Variants in RPS27A observed in about 807,000 individuals in gnomAD.
RPS27A encodes the protein ribosomal protein S27a, also known as ubiquitin-ribosomal protein eS31 fusion protein.
A neutral mutation model predicts 18.9 loss-of-function variants in RPS27A; 1 was observed. The ratio of observed to expected loss-of-function variants is 0.05; its 90% CI spans 0.02 to 0.25. The LOEUF is 0.25. Ranked by LOEUF, RPS27A falls within the 10% of genes least tolerant of loss-of-function variation. The probability of loss-of-function intolerance (pLI) is 1.00; values close to 1 mark genes in which losing one functional copy is unlikely to be tolerated. For synonymous variants in RPS27A, 77 were observed against 63.7 expected, an observed-to-expected ratio of 1.21 and a Z score of -0.99; for missense variants, 123 against 187.4, an observed-to-expected ratio of 0.66 and a Z score of 2.01.
In RPS27A at chr2:55,234,863, T is replaced by C; in HGVS notation, c.222T>C (p.Arg74=). The C allele has an allele frequency of 1.2e-6, 2 of 1,612,722 alleles. No individual in the cohort carries two copies. Among genetic ancestry groups the C allele is most frequent in the Non-Finnish European group, 8.5e-7 (1 of 1,179,960 alleles). Residue 74 remains arginine (R), a synonymous_variant, in exon 5 of 6, where the codon CGT becomes CGC. Coordinates refer to ENST00000272317, the MANE Select transcript of RPS27A (RefSeq NM_002954.6). ...CTCTTCATCTTGTGTTGAGACTTCG[T>C]GGTGGTGCTAAGAAAAGGAAGAAGA... is the stretch of plus-strand genomic sequence containing the variant. ...ESTLHLVLRL[R]GGAKKRKKKS...
intron 4 of RPS27A, chr2:55,234,434 A>T (rs2576723): frequency 0.96 from 560,619 of 584,986 alleles, 268,870 homozygotes; most frequent in African/African-American, 0.99. Flanking sequence ...ACTCCTGGGC[A>T]TAAGTGATCT....
chr2:55,234,980 C>G lies in RPS27A; in HGVS notation c.321+18C>G. On this transcript the variant is annotated intron_variant, in intron 5 of 5. Coordinates refer to ENST00000272317, the MANE Select transcript of RPS27A (RefSeq NM_002954.6). Reference sequence around the variant, plus strand: ...ATTATAAGGTGAGCCAGTTAAAGGGCAGAATGTCAGCAAAGTCTTGGCTTA... The same window carrying G: ...ATTATAAGGTGAGCCAGTTAAAGGGGAGAATGTCAGCAAAGTCTTGGCTTA... 6.2e-7 allele frequency: 1 copy of G among 1,611,892 alleles called. No individual in the cohort carries two copies. The highest frequency in any genetic ancestry group is 8.5e-7 in the Non-Finnish European group (1 of 1,179,304).
rs1389492618 is a variant in RPS27A, at chr2:55,234,887, G to A, written c.246G>A (p.Lys82=). The change falls in exon 5 of 6, where the codon AAG becomes AAA. Residue 82 remains lysine, a synonymous_variant. Coordinates refer to ENST00000272317, the MANE Select transcript of RPS27A (RefSeq NM_002954.6). ...GTGGTGGTGCTAAGAAAAGGAAGAA[G>A]AAGTCTTACACCACTCCCAAGAAGA... ...RLRGGAKKRK[K]KSYTTPKKNK... 3 of 1,612,838 alleles carry A rather than the reference G, an allele frequency of 1.9e-6. No individual in the cohort carries two copies. Among genetic ancestry groups the A allele is most frequent in the Non-Finnish European group, 2.5e-6 (3 of 1,179,836 alleles).
intron 2 of RPS27A, chr2:55,233,124 C>T (rs1675572875): frequency 1.6e-6 from 1 of 636,518 alleles, no homozygotes; most frequent in Non-Finnish European, 2.8e-6. Context: ...GGGAAGGAGA[C>T]GCTCTGCCCG....
At chr2:55,232,941 G>A (rs1675554788) in intron 2 of RPS27A, 69 bp downstream of exon 2, 1 of 1,262,088 alleles carries the variant, frequency 7.9e-7, no homozygotes, top group Non-Finnish European at 1.1e-6. Flanking sequence ...TAGGACCGGC[G>A]CTGCTTTCCA....
chr2:55,233,303 A>G (rs1675590176), intron 2 of RPS27A, 60 bp from the exon 3 acceptor site: 7 of 1,379,534 alleles, frequency 5.1e-6, no homozygotes, highest in Non-Finnish European at 7.2e-6. Flanking sequence ...GTCAAACTAA[A>G]TGAGTTCTGC....
At position 55,232,798 on chromosome 2, in the gene RPS27A, T is replaced by G; in HGVS notation, c.-17-10T>G. 1.2e-6 allele frequency: 2 copies of G among 1,607,528 alleles called. No homozygotes were observed. Among genetic ancestry groups the G allele is most frequent in the Non-Finnish European group, 1.7e-6 (2 of 1,176,402 alleles). On this transcript the variant is annotated splice_polypyrimidine_tract_variant and intron_variant, in intron 1 of 5. Transcript: ENST00000272317. ...GACCTAACCTGTCTCTTCCTTTTCC[T>G]CAACCTCAGGTGGAGCCGCCACCAA...
At chr2:55,233,009 C>T (rs1024012782) in intron 2 of RPS27A, 137 bp downstream of exon 2, 7 of 791,642 alleles carry the variant, frequency 8.8e-6, no homozygotes, top group African/African-American at 8.6e-5. Context: ...AAATGAGTAC[C>T]TTTTGCTGAG....
At chr2:55,232,577 C>A, upstream of RPS27A, 2 of 580,414 alleles carry the variant, frequency 3.4e-6, no homozygotes, top group East Asian at 5.9e-5. Flanking sequence ...TAGTCTGGCA[C>A]CGGGTTGGAT....
chr2:55,235,174 T>G lies in RPS27A; in HGVS notation c.321+212T>G, dbSNP rs1675726141. The G allele has an allele frequency of 5.6e-6, 4 of 710,824 alleles. No individual in the cohort carries two copies. In the East Asian group the frequency reaches 1.1e-4, roughly 19 times the overall value. The allele number at this position is 710,824 out of a possible 1,614,324, so 44.0% of individuals were successfully genotyped here. A position where few individuals can be genotyped will look rare whatever the true frequency, so the allele number is the denominator to read the frequency against. On this transcript the variant is annotated intron_variant, in intron 5 of 5. Coordinates refer to ENST00000272317, the MANE Select transcript of RPS27A (RefSeq NM_002954.6). The stretch of plus-strand genomic sequence containing the variant: ...CAGTTATGTAATAGGGTTCTGAGTT[T>G]AAAGTCGGGTTTGGGTTCAGGTCTT...
At position 55,234,412 on chromosome 2, in the gene RPS27A, G is replaced by A. The variant is rs1159068687; in HGVS notation, c.189+208G>A. ...CTATAGGCACCCGCCACCATGCCCA[G>A]GCTGGTCTCAAACTCCTGGGCATAA... On this transcript the variant is annotated intron_variant, in intron 4 of 5. Transcript: ENST00000272317. 2.0e-5 allele frequency: 12 copies of A among 600,156 alleles called. No homozygotes were observed. The East Asian group carries it at 3.4e-4, about 17-fold the overall frequency. 37.2% of individuals were successfully genotyped at this position (600,156 alleles called of 1,614,324 possible).
upstream of RPS27A, chr2:55,232,334 G>GA (rs1573823491): frequency 4.2e-6 from 1 of 240,628 alleles, no homozygotes; most frequent in African/African-American, 2.2e-5. Context: ...GTCCAAGGTA[G>GA]AAGAAAGCAG....
Position 55,234,934 on chromosome 2 carries a change from T to C in RPS27A, c.293T>C (p.Val98Ala). 2 of 1,613,268 alleles carry C rather than the reference T, an allele frequency of 1.2e-6. No homozygotes were observed. Among genetic ancestry groups the C allele is most frequent in the South Asian group, 1.1e-5 (1 of 91,046 alleles). ...PKKNKHKRKK[V>A]KLAVLKYYKV... ...AAGAATAAGCACAAGAGAAAGAAGG[T>C]TAAGCTGGCTGTCCTGAAATATTAT... Residue 98 changes from valine to alanine, a missense_variant, in exon 5 of 6, where the codon GTT becomes GCT. By Grantham distance (64) the Val-to-Ala change is moderately conservative. Transcript: ENST00000272317.
In RPS27A at chr2:55,233,834, T is replaced by C. The variant is rs537677467; in HGVS notation, c.104-285T>C. 24 of 518,752 alleles carry C rather than the reference T, an allele frequency of 4.6e-5. 1 individual carries two copies. The South Asian group carries it at 5.1e-4, about 11-fold the overall frequency. The allele number at this position is 518,752 out of a possible 1,614,324, so 32.1% of individuals were successfully genotyped here. ...TAGTAGAGACTGGGTTTTACCTTGT[T>C]GGCCAGGCTGGTTTTGAACTTTTCA... is the stretch of plus-strand genomic sequence containing the variant. On this transcript the variant is annotated intron_variant, in intron 3 of 5. Coordinates refer to ENST00000272317, the MANE Select transcript of RPS27A (RefSeq NM_002954.6).
Position 55,234,687 on chromosome 2 carries a change from T to A in RPS27A, c.190-144T>A, listed in dbSNP as rs2576722. The A allele has an allele frequency of 0.82, 721,794 of 878,656 alleles. 297,646 individuals are homozygous for A. The highest frequency in any genetic ancestry group is 0.84 in the African/African-American group (50,393 of 59,968). 54.4% of individuals were successfully genotyped at this position (878,656 alleles called of 1,614,324 possible). A position where few individuals can be genotyped will look rare whatever the true frequency, so the allele number is the denominator to read the frequency against. On this transcript the variant is annotated intron_variant, in intron 4 of 5. Coordinates refer to ENST00000272317, the MANE Select transcript of RPS27A (RefSeq NM_002954.6). The stretch of plus-strand genomic sequence containing the variant: ...CCCTATAAACTGTCAGTTAAGAATC[T>A]GATACTTTATTGGGTTTGGGGGCTG...
intron 2 of RPS27A, 170 bp from the exon 3 acceptor site, chr2:55,233,193 G>C (rs566617034): frequency 5.7e-6 from 4 of 705,712 alleles, no homozygotes; most frequent in African/African-American, 1.8e-5. Context: ...GGGAGATGAA[G>C]GTGCTTTCCG....
chr2:55,235,156 G>GT, intron 5 of RPS27A, 194 bp downstream of exon 5: 1 of 732,508 alleles, frequency 1.4e-6, no homozygotes, highest in Non-Finnish European at 2.2e-6. Context: ...AATCAGTTAT[G>GT]TAATAGGGTT....
intron 3 of RPS27A, chr2:55,233,886 T>C: frequency 1.7e-6 from 1 of 585,332 alleles, no homozygotes; most frequent in Non-Finnish European, 3.1e-6. Context: ...CACCTCGACC[T>C]CCCAAAGTAT....
intron 4 of RPS27A, 87 bp from the exon 5 acceptor site, chr2:55,234,744 T>A: frequency 6.8e-7 from 1 of 1,469,088 alleles, no homozygotes; most frequent in Non-Finnish European, 9.5e-7. Flanking sequence ...TGTGTGCTGC[T>A]ACTGCTTTTA....
Sources: gnomAD v4.1 joint callset for allele counts on GRCh38, gnomAD v4.1.1 for gene constraint, MANE v1.5 for transcripts, NCBI Gene and HGNC (gene_info 2026-07-23, HGNC 2026-07-21) for gene names.